The following KIAA0232 variants were observed in gnomAD, a reference collection of about 807,000 sequenced individuals.
KIAA0232 encodes the protein KIAA0232.
A neutral mutation model predicts 122.0 loss-of-function variants in KIAA0232; 27 were observed. That is an observed-to-expected ratio of 0.22 (90% CI 0.16 to 0.31). The LOEUF is 0.31. Ranked by LOEUF, KIAA0232 falls within the 10% of genes least tolerant of loss-of-function variation. The probability of loss-of-function intolerance (pLI) is 1.00; values close to 1 mark genes in which losing one functional copy is unlikely to be tolerated. For missense variants in KIAA0232, 1,551 were observed against 1,634.2 expected (o/e 0.95, Z 0.88); for synonymous variants, 613 against 587.6 (o/e 1.04, Z -0.63).
chr4:6,848,546 T>G lies in KIAA0232; in HGVS notation c.369+6342T>G, dbSNP rs541147597. Among the ~76,000 whole-genome samples, 4 of 152,364 alleles carry G rather than the reference T, an allele frequency of 2.6e-5. No homozygotes were observed. In the South Asian group the frequency reaches 8.3e-4, roughly 32 times the overall value. On this transcript the variant is annotated intron_variant, in intron 4 of 9. Transcript: ENST00000307659. The stretch of plus-strand genomic sequence containing the variant: ...TATTACATGTCATTGAGAAATAATT[T>G]AAAACATACAGGAGGATGTGTGTAG...
intron 1 of KIAA0232, among the ~76,000 whole-genome samples, chr4:6,802,859 C>T (rs1717446918): frequency 6.6e-6 from 1 of 151,650 alleles, no homozygotes; most frequent in African/African-American, 2.4e-5. Flanking sequence ...GAGTAATAGT[C>T]GAATATGAGT....
chr4:6,875,427 T>C (rs1198004131), intron 8 of KIAA0232, among the ~76,000 whole-genome samples: 1 of 152,266 alleles, frequency 6.6e-6, no homozygotes, highest in East Asian at 1.9e-4. Flanking sequence ...GGTATTCTCA[T>C]GAACCTCAAC....
At chr4:6,873,233 C>T (rs1721587300) in intron 8 of KIAA0232, among the ~76,000 whole-genome samples, 1 of 152,214 alleles carries the variant, frequency 6.6e-6, no homozygotes, top group Non-Finnish European at 1.5e-5. Flanking sequence ...CCCGAAATCA[C>T]ACAGTTAACT....
At position 6,864,150 on chromosome 4, in the gene KIAA0232, A is replaced by G. The variant is rs915868661; in HGVS notation, c.3768A>G (p.Glu1256=). 11 of 1,613,602 alleles carry G rather than the reference A, an allele frequency of 6.8e-6. No individual in the cohort carries two copies. Among genetic ancestry groups the G allele is most frequent in the Non-Finnish European group, 9.3e-6 (11 of 1,179,712 alleles). ...CAGGTTGTCAGTTTCCTGCTTATGA[A>G]GATAATCCAGTTTCTTCGGGACAGC... ...CKAGCQFPAY[E]DNPVSSGQLE... The change falls in exon 7 of 10, where the codon GAA becomes GAG. Residue 1256 remains glutamate, a synonymous_variant. Transcript: ENST00000307659.
chr4:6,797,867 C>G (rs936657335), intron 1 of KIAA0232, among the ~76,000 whole-genome samples: 1 of 150,476 alleles, frequency 6.6e-6, no homozygotes, highest in African/African-American at 2.4e-5. Context: ...GTCAAGAGAT[C>G]GAGACCACGG....
rs752428517 is a variant in KIAA0232, at chr4:6,800,043, C to CTTTTTTTTTTTTTTTTTTTTTTTTTTTT, written c.-353-4475_-353-4448dup. ...TTTCTTTTTCTTTCTTTCTTTCTTT[C>CTTTTTTTTTTTTTTTTTTTTTTTTTTTT]TTTTTTTTTTTTTTTTTTTTTTTTT... On this transcript the variant is annotated intron_variant, in intron 1 of 9. Transcript: ENST00000307659. 1.8e-3 allele frequency among the ~76,000 whole-genome samples: 111 copies of CTTTTTTTTTTTTTTTTTTTTTTTTTTTT among 60,080 alleles called. 21 individuals carry two copies. Among genetic ancestry groups the CTTTTTTTTTTTTTTTTTTTTTTTTTTTT allele is most frequent in the Non-Finnish European group, 2.7e-3 (76 of 28,094 alleles). The allele number at this position is 60,080 out of a possible 152,430, so 39.4% of individuals were successfully genotyped here. A position where few individuals can be genotyped will look rare whatever the true frequency, so the allele number is the denominator to read the frequency against.
At chr4:6,880,654 A>T in intron 9 of KIAA0232, 133 bp from the exon 10 acceptor site, 1 of 593,702 alleles carries the variant, frequency 1.7e-6, no homozygotes. Context: ...GAAACAGTAA[A>T]ACTCTGCATG....
chr4:6,793,225 T>C (rs1716984310), intron 1 of KIAA0232, among the ~76,000 whole-genome samples: 1 of 152,222 alleles, frequency 6.6e-6, no homozygotes, highest in African/African-American at 2.4e-5. Flanking sequence ...GGGGACTTTT[T>C]AGAATGTGTA....
At chr4:6,797,903 C>G (rs1321900331) in intron 1 of KIAA0232, among the ~76,000 whole-genome samples, 1 of 150,934 alleles carries the variant, frequency 6.6e-6, no homozygotes, top group Non-Finnish European at 1.5e-5. Flanking sequence ...ACTAAAAATA[C>G]AAAAAATAGC....
intron 2 of KIAA0232, among the ~76,000 whole-genome samples, chr4:6,809,405 G>T (rs1349902657): frequency 6.6e-6 from 1 of 152,142 alleles, no homozygotes; most frequent in African/African-American, 2.4e-5. Context: ...GCCAGCTTTG[G>T]TGCAGATCTT....
chr4:6,837,687 A>G (rs1463015330), intron 3 of KIAA0232, among the ~76,000 whole-genome samples: 2 of 152,378 alleles, frequency 1.3e-5, no homozygotes, highest in East Asian at 1.9e-4. Context: ...CGAAGCTGGC[A>G]GATCACTCGC....
chr4:6,856,947 G>A (rs1162031829), intron 4 of KIAA0232, among the ~76,000 whole-genome samples: 3 of 152,126 alleles, frequency 2.0e-5, no homozygotes, highest in African/African-American at 7.2e-5. Context: ...TTATCACTAA[G>A]TTTCATTTAA....
rs1445222774 is a variant in KIAA0232 at position 6,857,221 on chromosome 4, A to G, written c.427A>G (p.Ser143Gly). 2 of 1,612,424 alleles carry G rather than the reference A, an allele frequency of 1.2e-6. No homozygotes were observed. The highest frequency in any genetic ancestry group is 1.7e-5 in the Admixed American group (1 of 59,764). The change falls in exon 5 of 10, where the codon AGT becomes GGT. Residue 143 changes from serine to glycine, a missense_variant. Transcript: ENST00000307659. ...CTGCTCCAGACTGAAAGACCTTCAG[A>G]GTAAGCAAGGTGAGGTCAAAAGCAC... ...ELCSRLKDLQ[S>G]KQEEKIHKKL... is the part of the protein sequence containing the mutation.
chr4:6,856,786 G>A (rs563785555), intron 4 of KIAA0232, among the ~76,000 whole-genome samples: 3 of 151,940 alleles, frequency 2.0e-5, no homozygotes, highest in South Asian at 2.1e-4. Flanking sequence ...ATAAGATCTC[G>A]CTCACATAAA....
At chr4:6,828,756 A>T (rs1353574997) in intron 3 of KIAA0232, among the ~76,000 whole-genome samples, 1 of 152,176 alleles carries the variant, frequency 6.6e-6, no homozygotes, top group African/African-American at 2.4e-5. Context: ...TGTACCCTTT[A>T]GCCCACTTTT....
intron 1 of KIAA0232, among the ~76,000 whole-genome samples, chr4:6,796,219 T>C (rs1363640735): frequency 6.6e-6 from 1 of 152,272 alleles, no homozygotes; most frequent in East Asian, 1.9e-4. Flanking sequence ...AGGATCAGGA[T>C]AGGATTGAGA....
chr4:6,858,367 A>G (rs1397311970), intron 5 of KIAA0232, 58 bp from the exon 6 acceptor site: 1 of 1,028,378 alleles, frequency 9.7e-7, no homozygotes, highest in African/African-American at 1.7e-5. Flanking sequence ...TTTGAAATAC[A>G]TTAGCATTTA....
chr4:6,866,115 C>G (rs571454586), intron 7 of KIAA0232: 1 of 430,794 alleles, frequency 2.3e-6, no homozygotes, highest in Admixed American at 6.4e-5. Context: ...TATTGTTAGC[C>G]TTTATCTGTT....
intron 1 of KIAA0232, among the ~76,000 whole-genome samples, chr4:6,802,915 T>C (rs949626752): frequency 1.3e-5 from 2 of 150,094 alleles, no homozygotes; most frequent in South Asian, 4.2e-4. Flanking sequence ...CCCAACTCTT[T>C]AGGTGGCTGA....
Sources: allele counts gnomAD v4.1 joint callset (sites outside exome capture counted in the v4.1 genomes callset), GRCh38; gene constraint gnomAD v4.1.1; transcripts MANE v1.5; gene names NCBI Gene and HGNC (gene_info 2026-07-23, HGNC 2026-07-21).